The following WWOX variants were observed in gnomAD, a reference collection of about 807,000 sequenced individuals.
WWOX encodes WW domain-containing oxidoreductase.
A neutral mutation model predicts 46.2 loss-of-function variants in WWOX; 69 were observed. That is an observed-to-expected ratio of 1.49 (90% CI 1.23 to 1.82). The LOEUF is 1.82. Ranked by LOEUF, WWOX falls within the 40% of genes most tolerant of loss-of-function variation. The pLI is 0.00. For synonymous variants in WWOX, 359 were observed against 202.6 expected, an observed-to-expected ratio of 1.77 and a Z score of -6.56; for missense variants, 919 against 542.6, an observed-to-expected ratio of 1.69 and a Z score of -6.89.
intron 8 of WWOX, among the ~76,000 whole-genome samples, chr16:78,679,217 C>G (rs1439053875): frequency 6.6e-6 from 1 of 152,142 alleles, no homozygotes; most frequent in Non-Finnish European, 1.5e-5. Context: ...GATCCTAGAA[C>G]CCGTTTCTTA....
intron 8 of WWOX, among the ~76,000 whole-genome samples, chr16:78,789,263 A>T (rs2050533459): frequency 6.6e-6 from 1 of 152,196 alleles, no homozygotes; most frequent in South Asian, 2.1e-4. Flanking sequence ...TTTTCTTCTC[A>T]GACTTTTATA....
intron 8 of WWOX, among the ~76,000 whole-genome samples, chr16:79,022,898 C>G (rs2047562843): frequency 6.6e-6 from 1 of 152,176 alleles, no homozygotes; most frequent in Non-Finnish European, 1.5e-5. Context: ...TTACTTCTCT[C>G]CCCTGAGCAT....
At chr16:79,011,871 C>G (rs1000575882) in intron 8 of WWOX, among the ~76,000 whole-genome samples, 2 of 152,066 alleles carry the variant, frequency 1.3e-5, no homozygotes, top group Non-Finnish European at 2.9e-5. Flanking sequence ...TCAGGCTAGT[C>G]TTGAACTCAT....
At chr16:78,395,855 C>T (rs532817506) in intron 6 of WWOX, among the ~76,000 whole-genome samples, 189 of 152,118 alleles carry the variant, frequency 1.2e-3, no homozygotes, top group African/African-American at 4.2e-3. Flanking sequence ...AGTTTTCTTT[C>T]GGAGTAAATG....
At chr16:78,139,095 C>G (rs979704354) in intron 4 of WWOX, among the ~76,000 whole-genome samples, 1 of 152,122 alleles carries the variant, frequency 6.6e-6, no homozygotes, top group Non-Finnish European at 1.5e-5. Flanking sequence ...TAAAGGATGG[C>G]AAAGTCATTG....
At chr16:79,014,543 T>A (rs1190766524) in intron 8 of WWOX, among the ~76,000 whole-genome samples, 2 of 152,202 alleles carry the variant, frequency 1.3e-5, no homozygotes, top group African/African-American at 2.4e-5. Context: ...ATTCCAGAGA[T>A]GTTTTCACCT....
chr16:78,177,572 C>T (rs913388724), intron 5 of WWOX, among the ~76,000 whole-genome samples: 1 of 152,142 alleles, frequency 6.6e-6, no homozygotes, highest in Non-Finnish European at 1.5e-5. Flanking sequence ...GTAGTTTGTC[C>T]TGGGAATGGA....
intron 8 of WWOX, among the ~76,000 whole-genome samples, chr16:78,467,863 T>A (rs1357452239): frequency 1.3e-5 from 2 of 152,228 alleles, no homozygotes; most frequent in Non-Finnish European, 2.9e-5. Context: ...AGGTGCCCTG[T>A]CTTCCTGGAT....
intron 8 of WWOX, among the ~76,000 whole-genome samples, chr16:78,820,567 G>A (rs543979937): frequency 6.6e-6 from 1 of 152,266 alleles, no homozygotes; most frequent in South Asian, 2.1e-4. Context: ...GATGAACTTA[G>A]GATTAGTGTG....
intron 8 of WWOX, among the ~76,000 whole-genome samples, chr16:78,894,382 A>G (rs1224543078): frequency 6.6e-6 from 1 of 152,174 alleles, no homozygotes; most frequent in African/African-American, 2.4e-5. Context: ...ATAATATTGA[A>G]CTTCAAAGTT....
chr16:78,683,358 C>T lies in WWOX; in HGVS notation c.1056+250606C>T, dbSNP rs372462093. On this transcript the variant is annotated intron_variant, in intron 8 of 8. Transcript: ENST00000566780. ...TTGGAGACCAGCCTGGGCAACAAGG[C>T]GAAACCCCATCTCTACTAAAAACAT... Among the ~76,000 whole-genome samples the T allele has an allele frequency of 8.9e-4, 135 of 151,210 alleles. 1 individual carries two copies. Among genetic ancestry groups the T allele is most frequent in the African/African-American group, 2.7e-3 (113 of 41,194 alleles).
Position 78,650,428 on chromosome 16 carries a change from G to A in WWOX, c.1056+217676G>A, listed in dbSNP as rs549631892. ...ATTTTGTCACCTGTGTGAAATTGGT[G>A]TCCGTGTGCCTTGCTTCCTAGGCTG... On this transcript the variant is annotated intron_variant, in intron 8 of 8. Coordinates refer to ENST00000566780, the MANE Select transcript of WWOX (RefSeq NM_016373.4). 2.9e-3 allele frequency among the ~76,000 whole-genome samples: 434 copies of A among 152,248 alleles called. 1 individual carries two copies. The highest frequency in any genetic ancestry group is 0.01 in the African/African-American group (425 of 41,554).
intron 8 of WWOX, among the ~76,000 whole-genome samples, chr16:78,813,626 C>G (rs2051256031): frequency 6.6e-6 from 1 of 151,968 alleles, no homozygotes; most frequent in South Asian, 2.1e-4. Context: ...CATCACGTAT[C>G]CATTGTGTCT....
chr16:78,372,678 T>A (rs2081721029), intron 5 of WWOX, among the ~76,000 whole-genome samples: 1 of 152,220 alleles, frequency 6.6e-6, no homozygotes, highest in Admixed American at 6.5e-5. Flanking sequence ...AGGCTCCGTT[T>A]TTTTGTTTTT....
chr16:79,184,415 C>G (rs2150793012), intron 8 of WWOX, among the ~76,000 whole-genome samples: 1 of 152,298 alleles, frequency 6.6e-6, no homozygotes, highest in Admixed American at 6.5e-5. Context: ...AATCAGTCAC[C>G]ATGTAAGGAA....
chr16:78,454,428 A>T (rs921373474), intron 8 of WWOX, among the ~76,000 whole-genome samples: 1 of 152,026 alleles, frequency 6.6e-6, no homozygotes, highest in Non-Finnish European at 1.5e-5. Context: ...GTTTTACAAA[A>T]TGATACTTTT....
At chr16:78,278,591 T>G (rs2151852590) in intron 5 of WWOX, 1 of 1,606,114 alleles carries the variant, frequency 6.2e-7, no homozygotes, top group East Asian at 2.2e-5. Flanking sequence ...GTCTTTTGTT[T>G]GTATCTTACA....
chr16:78,387,837 T>C (rs1055459601), intron 6 of WWOX, among the ~76,000 whole-genome samples: 4 of 152,080 alleles, frequency 2.6e-5, no homozygotes, highest in Non-Finnish European at 5.9e-5. Context: ...ATAGCACAGG[T>C]TGTGCGAAGG....
intron 8 of WWOX, among the ~76,000 whole-genome samples, chr16:78,527,258 C>A (rs1388340597): frequency 6.6e-6 from 1 of 151,986 alleles, no homozygotes; most frequent in African/African-American, 2.4e-5. Context: ...GCAGAAGCCA[C>A]CTTTCCATTT....
Sources: gnomAD v4.1 joint callset for allele counts (sites outside exome capture counted in the v4.1 genomes callset) on GRCh38, gnomAD v4.1.1 for gene constraint, MANE v1.5 for transcripts, NCBI Gene and HGNC (gene_info 2026-07-23, HGNC 2026-07-21) for gene names.